MATN2: variants seen among roughly 807,000 people sequenced by gnomAD.
The protein encoded by MATN2 is matrilin-2.
Under a neutral mutation model 103.2 loss-of-function variants are expected in MATN2, and 69 were observed. The observed-to-expected ratio is 0.67, with a 90% CI of 0.55 to 0.82. The LOEUF (loss-of-function observed/expected upper bound fraction) is 0.82, where lower values mean the gene tolerates loss of function less well. Among genes scored for constraint, MATN2 ranks in the 40% least tolerant of loss-of-function variants. The probability of loss-of-function intolerance (pLI) is 0.00; values close to 1 mark genes in which losing one functional copy is unlikely to be tolerated. For missense variants in MATN2, 1,023 were observed against 1,211.5 expected, an observed-to-expected ratio of 0.84 and a Z score of 2.31; for synonymous variants, 429 against 450.2, an observed-to-expected ratio of 0.95 and a Z score of 0.60.
chr8:98,016,745 T>C, intron 11 of MATN2, 83 bp downstream of exon 11: 1 of 1,519,702 alleles, frequency 6.6e-7, no homozygotes, highest in Non-Finnish European at 9.0e-7. Flanking sequence ...ATATATCAGT[T>C]CCTCTCAGAA....
chr8:97,948,863 A>G (rs1190431378), intron 4 of MATN2, among the ~76,000 whole-genome samples: 1 of 149,920 alleles, frequency 6.7e-6, no homozygotes, highest in Non-Finnish European at 1.5e-5. Flanking sequence ...AAAAAAATCA[A>G]TATATTTAAT....
At chr8:97,938,994 C>T (rs900815780) in intron 3 of MATN2, among the ~76,000 whole-genome samples, 14 of 152,022 alleles carry the variant, frequency 9.2e-5, no homozygotes, top group Admixed American at 3.9e-4. Flanking sequence ...CTCAGCCTCC[C>T]GAGTAGCTGG....
intron 2 of MATN2, among the ~76,000 whole-genome samples, chr8:97,930,384 C>G (rs1024777068): frequency 6.6e-6 from 1 of 152,172 alleles, no homozygotes; most frequent in Non-Finnish European, 1.5e-5. Flanking sequence ...TGTTTGGTTA[C>G]ATAAAAACTG....
chr8:97,901,086 C>G (rs1160013281), intron 2 of MATN2, among the ~76,000 whole-genome samples: 1 of 152,112 alleles, frequency 6.6e-6, no homozygotes, highest in Non-Finnish European at 1.5e-5. Flanking sequence ...CTGTTTGCAC[C>G]CAGATGTGGC....
intron 2 of MATN2, among the ~76,000 whole-genome samples, chr8:97,898,152 T>C (rs1169994685): frequency 6.6e-6 from 1 of 152,062 alleles, no homozygotes; most frequent in African/African-American, 2.4e-5. Flanking sequence ...TGTCAGGGAG[T>C]AGAGGTGAGG....
intron 5 of MATN2, among the ~76,000 whole-genome samples, chr8:97,970,873 T>G (rs1811632404): frequency 6.6e-6 from 1 of 151,974 alleles, no homozygotes; most frequent in South Asian, 2.1e-4. Flanking sequence ...GTCTGGGAGG[T>G]TGAGGCTGCA....
chr8:97,908,582 C>T (rs1468453899), intron 2 of MATN2, among the ~76,000 whole-genome samples: 1 of 152,166 alleles, frequency 6.6e-6, no homozygotes, highest in Admixed American at 6.5e-5. Context: ...TTTTATTTAC[C>T]TATTTGACCA....
In MATN2 at chr8:98,021,185, A is replaced by G. The variant is rs766090856; in HGVS notation, c.1820-20A>G. The G allele has an allele frequency of 1.9e-6, 3 of 1,611,616 alleles. No homozygotes were observed. The highest frequency in any genetic ancestry group is 2.5e-6 in the Non-Finnish European group (3 of 1,178,320). ...ATTTCTACACTGATGGGATTGTTCAACTCCCTACATTTTCCTCAGGGAAGG... is the reference window on the plus strand; with the variant it reads ...ATTTCTACACTGATGGGATTGTTCAGCTCCCTACATTTTCCTCAGGGAAGG... On this transcript the variant is annotated intron_variant, in intron 12 of 18. Transcript: ENST00000254898.
intron 1 of MATN2, among the ~76,000 whole-genome samples, chr8:97,882,897 C>T (rs763042543): frequency 8.6e-5 from 13 of 152,004 alleles, no homozygotes; most frequent in Non-Finnish European, 8.8e-5. Flanking sequence ...AGATGTTGAA[C>T]GTGTTTTCAT....
At position 98,033,646 on chromosome 8, in the gene MATN2, ATT is replaced by A; in HGVS notation, c.2803_2804del (p.Leu935AsnfsTer57). The stretch of plus-strand genomic sequence containing the variant: ...ACCTTGCAAACGAAGAAGTAAGAAA[ATT>A]AACACAGCGCTATATCCTTTTCTTG... The part of the protein sequence containing the change: ...QNLANEEVRK[L>X]TQRLEEMTQR... On this transcript the variant is annotated frameshift_variant, in exon 18 of 19. Coordinates refer to ENST00000254898, the MANE Select transcript of MATN2 (RefSeq NM_002380.5). LOFTEE classifies it high-confidence loss of function. 1 of 1,599,984 alleles carries A rather than the reference ATT, an allele frequency of 6.3e-7. No homozygotes were observed. Among genetic ancestry groups the A allele is most frequent in the Non-Finnish European group, 8.5e-7 (1 of 1,171,314 alleles).
At chr8:97,925,172 G>T (rs949982389) in intron 2 of MATN2, among the ~76,000 whole-genome samples, 8 of 152,098 alleles carry the variant, frequency 5.3e-5, no homozygotes, top group African/African-American at 1.7e-4. Flanking sequence ...CGGGTGGATT[G>T]GCTACAGGCT....
chr8:97,938,407 G>A (rs1810450878), intron 3 of MATN2, among the ~76,000 whole-genome samples: 1 of 152,170 alleles, frequency 6.6e-6, no homozygotes, highest in South Asian at 2.1e-4. Context: ...GACCATCGTT[G>A]CTGACATGAG....
Position 97,931,475 on chromosome 8 carries a change from T to C in MATN2, c.665T>C (p.Phe222Ser). The C allele has an allele frequency of 6.2e-7, 1 of 1,613,348 alleles. No individual in the cohort carries two copies. The highest frequency in any genetic ancestry group is 8.5e-7 in the Non-Finnish European group (1 of 1,179,778). Residue 222 changes from phenylalanine to serine, a missense_variant, in exon 3 of 19, where the codon TTC (phenylalanine) becomes TCC (serine). Phe to Ser is a radical substitution (Grantham distance 155). Transcript: ENST00000254898. This position sits in a 1 kb window ranked among gnomAD's most constrained non-coding sequence, Gnocchi z 4.1. The part of the protein sequence containing the change: ...HEDHVFLVAN[F>S]SQIETLTSVF... Reference sequence around the variant, plus strand: ...GACCATGTCTTCCTTGTGGCCAATTTCAGCCAGATTGAGACGCTGACCTCC... The same window carrying C: ...GACCATGTCTTCCTTGTGGCCAATTCCAGCCAGATTGAGACGCTGACCTCC...
chr8:97,945,717 A>AATATATATATATAT (rs1554605716), intron 4 of MATN2, among the ~76,000 whole-genome samples: 4 of 121,828 alleles, frequency 3.3e-5, no homozygotes, highest in East Asian at 2.3e-4. Flanking sequence ...AAAAAAAAAA[A>AATATATATATATAT]ATATATATAT....
intron 2 of MATN2, among the ~76,000 whole-genome samples, chr8:97,924,237 C>T (rs1220238409): frequency 2.0e-5 from 3 of 152,212 alleles, no homozygotes; most frequent in Non-Finnish European, 4.4e-5. Flanking sequence ...CATGCAACCA[C>T]CTGGATTGGT....
chr8:97,993,189 T>A (rs1012955099), intron 6 of MATN2, among the ~76,000 whole-genome samples: 4 of 152,190 alleles, frequency 2.6e-5, no homozygotes, highest in Non-Finnish European at 2.9e-5. Context: ...TCACTCAACA[T>A]TTTTTCCTTT....
In MATN2 at chr8:98,007,994, C is replaced by A. The variant is rs1437133398; in HGVS notation, c.1573+393C>A. Among the ~76,000 whole-genome samples the A allele has an allele frequency of 6.6e-6, 1 of 152,136 alleles. No individual in the cohort carries two copies. Among genetic ancestry groups the A allele is most frequent in the African/African-American group, 2.4e-5 (1 of 41,418 alleles). On this transcript the variant is annotated intron_variant, in intron 10 of 18. Coordinates refer to ENST00000254898, the MANE Select transcript of MATN2 (RefSeq NM_002380.5). This position sits in a 1 kb window ranked among gnomAD's most constrained non-coding sequence, Gnocchi z 4.2. ...CACACATGCTGTTGCATTCAGGGGA[C>A]AGATGAGGAAAAACTGTAGCTCAGA...
At chr8:97,969,756 A>G (rs1165091313) in intron 5 of MATN2, among the ~76,000 whole-genome samples, 1 of 152,226 alleles carries the variant, frequency 6.6e-6, no homozygotes, top group Non-Finnish European at 1.5e-5. Context: ...CACCGCTGCA[A>G]ACATTTCAGA....
chr8:98,025,306 C>T (rs182301795), intron 13 of MATN2: 21 of 159,528 alleles, frequency 1.3e-4, no homozygotes, highest in Non-Finnish European at 1.2e-4. Context: ...CACACTATGA[C>T]GTTAAGCATT....
Sources: allele counts gnomAD v4.1 joint callset (sites outside exome capture counted in the v4.1 genomes callset), GRCh38; gene constraint gnomAD v4.1.1; non-coding constraint Gnocchi (gnomAD v3.1); transcripts MANE v1.5; gene names NCBI Gene and HGNC (gene_info 2026-07-23, HGNC 2026-07-21).